Variants in CASC3 observed in about 807,000 individuals in gnomAD.
The protein encoded by CASC3 is protein CASC3.
Under a neutral mutation model 80.5 loss-of-function variants are expected in CASC3, and 30 were observed. The observed-to-expected ratio is 0.37, with a 90% CI of 0.28 to 0.51. CASC3 has a LOEUF of 0.51. CASC3 is among the 20% of genes least tolerant of loss of function. The pLI is 0.94. For synonymous variants in CASC3, 312 were observed against 333.6 expected (o/e 0.94, Z 0.70); for missense variants, 824 against 922.2 (o/e 0.89, Z 1.38).
intron 5 of CASC3, 144 bp from the exon 6 acceptor site, chr17:40,162,581 C>G: frequency 1.2e-5 from 9 of 723,494 alleles, no homozygotes; most frequent in Non-Finnish European, 1.1e-5. Context: ...TTGGGGAGGC[C>G]TGTTTTTTAT....
rs2145187497 is a variant in CASC3, at chr17:40,171,553, CT to C, written c.*1150del. On this transcript the variant is annotated 3_prime_UTR_variant, in exon 14 of 14. Coordinates refer to ENST00000264645, the MANE Select transcript of CASC3 (RefSeq NM_007359.5). ...ATTTTCCCCGAATTCTATTTTTGTC[CT>C]TGCAGACAGAATATAAAAACTCCTG... The C allele has an allele frequency of 1.0e-6, 1 of 989,162 alleles. No homozygotes were observed. Among genetic ancestry groups the C allele is most frequent in the Non-Finnish European group, 1.2e-6 (1 of 831,792 alleles). The allele number at this position is 989,162 out of a possible 1,614,324, so 61.3% of individuals were successfully genotyped here.
intron 5 of CASC3, among the ~76,000 whole-genome samples, 187 bp from the exon 6 acceptor site, chr17:40,162,538 G>T (rs538732938): frequency 6.6e-6 from 1 of 152,288 alleles, no homozygotes; most frequent in East Asian, 1.9e-4. Flanking sequence ...TTTGAGCCCA[G>T]CAGGCCCTGA....
chr17:40,143,880 T>C (rs1988786084), intron 3 of CASC3, among the ~76,000 whole-genome samples: 1 of 151,268 alleles, frequency 6.6e-6, no homozygotes, highest in South Asian at 2.1e-4. Flanking sequence ...GAATTGTTTG[T>C]AACAAAGGAT....
chr17:40,140,922 A>C, intron 1 of CASC3, 143 bp downstream of exon 1: 1 of 699,628 alleles, frequency 1.4e-6, no homozygotes. Flanking sequence ...GAGTTATCCC[A>C]ATGCGAGTTT....
At chr17:40,169,281 A>C in intron 11 of CASC3, 43 bp from the exon 12 acceptor site, 1 of 1,483,394 alleles carries the variant, frequency 6.7e-7, no homozygotes, top group Non-Finnish European at 9.0e-7. Context: ...GGTTGGATGA[A>C]TTCATTCCTA....
chr17:40,155,501 T>C (rs1989123840), intron 3 of CASC3, among the ~76,000 whole-genome samples: 1 of 152,148 alleles, frequency 6.6e-6, no homozygotes, highest in South Asian at 2.1e-4. Flanking sequence ...TGGTTTGGAG[T>C]GCAGCCATGG....
chr17:40,148,004 CT>C (rs1447716805), intron 3 of CASC3, among the ~76,000 whole-genome samples: 1 of 151,996 alleles, frequency 6.6e-6, no homozygotes, highest in East Asian at 1.9e-4. Context: ...CTTTCATTGT[CT>C]GTAGGAATGC....
At chr17:40,143,536 T>TA (rs1006757609) in intron 3 of CASC3, among the ~76,000 whole-genome samples, 15 of 151,776 alleles carry the variant, frequency 9.9e-5, no homozygotes, top group African/African-American at 3.6e-4. Flanking sequence ...ATTGTACATT[T>TA]AAAAATAACT....
chr17:40,140,923 A>G lies in CASC3; in HGVS notation c.231+144A>G, dbSNP rs1227133212. 1.0e-5 allele frequency: 7 copies of G among 695,634 alleles called. No homozygotes were observed. The East Asian group carries it at 1.7e-4, about 17-fold the overall frequency. The allele number at this position is 695,634 out of a possible 1,614,324, so 43.1% of individuals were successfully genotyped here. On this transcript the variant is annotated intron_variant, in intron 1 of 13. Transcript: ENST00000264645. Reference sequence around the variant, plus strand: ...TTGAGAGAAAAGGGGAGTTATCCCAATGCGAGTTTGCATCCGGAGTTCCAA... The same window carrying G: ...TTGAGAGAAAAGGGGAGTTATCCCAGTGCGAGTTTGCATCCGGAGTTCCAA...
chr17:40,167,663 G>C, intron 9 of CASC3, 51 bp downstream of exon 9: 1 of 1,435,050 alleles, frequency 7.0e-7, no homozygotes, highest in Non-Finnish European at 9.8e-7. Flanking sequence ...GTGAAGTGAA[G>C]TAAGATACCA....
intron 3 of CASC3, among the ~76,000 whole-genome samples, chr17:40,146,628 C>T (rs1281779226): frequency 6.6e-6 from 1 of 150,850 alleles, no homozygotes; most frequent in Non-Finnish European, 1.5e-5. Context: ...TTAGTAGAGA[C>T]GGGGTTTCAT....
chr17:40,141,377 A>G, intron 2 of CASC3, 143 bp downstream of exon 2: 3 of 893,938 alleles, frequency 3.4e-6, no homozygotes, highest in Non-Finnish European at 5.5e-6. Flanking sequence ...GGTTAAGAGC[A>G]TAGGCTTTAG....
chr17:40,140,557 C>A lies in CASC3; in HGVS notation c.9C>A (p.Asp3Glu). The stretch of plus-strand genomic sequence containing the variant: ...TGGCCGTTCTCCGTAAGATGGCGGA[C>A]CGGCGGCGGCAGCGCGCTTCGCAAG... MADRRRQRASQDT... is the reference protein window; with the variant it reads MAERRRQRASQDT... Residue 3 changes from aspartate to glutamate, a missense_variant, in exon 1 of 14, where the codon GAC becomes GAA. By Grantham distance (45) the Asp-to-Glu change is conservative (BLOSUM62 2). Around this residue, in one of 3 missense-constraint regions of CASC3, gnomAD observed 159 missense variants for 122.2 expected, o/e 1.30. Transcript: ENST00000264645. 6.2e-7 allele frequency: 1 copy of A among 1,607,644 alleles called. No individual in the cohort carries two copies. Among genetic ancestry groups the A allele is most frequent in the Non-Finnish European group, 8.5e-7 (1 of 1,179,648 alleles).
At chr17:40,163,215 A>G (rs138455728) in intron 6 of CASC3, among the ~76,000 whole-genome samples, 115 of 152,142 alleles carry the variant, frequency 7.6e-4, no homozygotes, top group East Asian at 4.4e-3. Context: ...GCTCACTGCA[A>G]CCTCCACCTC....
chr17:40,141,661 C>A, intron 3 of CASC3, 54 bp downstream of exon 3: 4 of 1,316,526 alleles, frequency 3.0e-6, no homozygotes, highest in Non-Finnish European at 3.3e-6. Context: ...TTTTTAAAAA[C>A]GTGTACACAC....
chr17:40,167,016 T>C, intron 8 of CASC3, 155 bp downstream of exon 8: 1 of 585,396 alleles, frequency 1.7e-6, no homozygotes, highest in Non-Finnish European at 2.9e-6. Flanking sequence ...TAGAGTGCAG[T>C]GACGGGATCA....
In CASC3 at chr17:40,163,608, G is replaced by T. The variant is rs778624046; in HGVS notation, c.913G>T (p.Gly305Cys). The T allele has an allele frequency of 6.2e-7, 1 of 1,614,016 alleles. No individual in the cohort carries two copies. The highest frequency in any genetic ancestry group is 1.3e-5 in the African/African-American group (1 of 74,904). The change falls in exon 7 of 14, where the codon GGC becomes TGC. Residue 305 changes from glycine (G) to cysteine (C), a missense_variant. Around this residue, in one of 3 missense-constraint regions of CASC3, gnomAD observed 201 missense variants for 294.1 expected, o/e 0.68. Transcript: ENST00000264645. ...TATTAACAGGAATGCTGCAGGTACC[G>T]GCCGTATGTCTGCACCCAGGAATTA... ...TFINRNAAGT[G>C]RMSAPRNYSR...
intron 3 of CASC3, among the ~76,000 whole-genome samples, chr17:40,161,179 C>T (rs1037803510): frequency 6.6e-6 from 1 of 151,984 alleles, no homozygotes. Context: ...GGGGTTTTGC[C>T]ATGCTGGCCA....
At chr17:40,168,023 C>T in intron 10 of CASC3, 75 bp downstream of exon 10, 6 of 1,466,280 alleles carry the variant, frequency 4.1e-6, no homozygotes, top group Non-Finnish European at 5.7e-6. Flanking sequence ...AACCCATCCT[C>T]CTGAGCTTTG....
Sources: gnomAD v4.1 joint callset for allele counts (sites outside exome capture counted in the v4.1 genomes callset) on GRCh38, gnomAD v4.1.1 for gene constraint, gnomAD v4.1.1 regional missense constraint, MANE v1.5 for transcripts, NCBI Gene and HGNC (gene_info 2026-07-23, HGNC 2026-07-21) for gene names.